The following GLIS3 variants were observed in gnomAD, a reference collection of about 807,000 sequenced individuals.
The protein encoded by GLIS3 is GLIS family zinc finger 3, also known as zinc finger protein GLIS3.
GLIS3 carries 53 observed loss-of-function variants against 78.6 expected under a neutral mutation model. The ratio of observed to expected loss-of-function variants is 0.67; its 90% CI spans 0.54 to 0.85. The LOEUF is 0.85. Ranked by LOEUF, GLIS3 falls within the 40% of genes least tolerant of loss-of-function variation. GLIS3 has a pLI of 0.00. For missense variants in GLIS3, 1,703 were observed against 1,231.1 expected, an observed-to-expected ratio of 1.38 and a Z score of -5.74; for synonymous variants, 684 against 509.9, an observed-to-expected ratio of 1.34 and a Z score of -4.60.
intron 2 of GLIS3, among the ~76,000 whole-genome samples, chr9:4,255,871 T>C (rs1035505746): frequency 6.6e-5 from 10 of 152,220 alleles, no homozygotes; most frequent in Admixed American, 3.9e-4. Context: ...TGGGTAATCA[T>C]GATGTGTCAA....
intron 2 of GLIS3, among the ~76,000 whole-genome samples, chr9:4,266,698 CAT>C (rs1420507523): frequency 6.6e-6 from 1 of 151,996 alleles, no homozygotes; most frequent in African/African-American, 2.4e-5. Context: ...GATAATGATA[CAT>C]AGTTATTTTA....
intron 2 of GLIS3, among the ~76,000 whole-genome samples, chr9:4,150,045 T>C (rs1482754304): frequency 2.2e-5 from 3 of 137,038 alleles, no homozygotes; most frequent in Admixed American, 7.2e-5. Context: ...CATGCACACA[T>C]AAACACACAC....
chr9:3,937,714 T>C (rs1825974262), intron 4 of GLIS3, among the ~76,000 whole-genome samples: 1 of 152,176 alleles, frequency 6.6e-6, no homozygotes, highest in African/African-American at 2.4e-5. Context: ...TTTCCTTAAC[T>C]ATATTTGTAA....
chr9:4,280,127 C>T (rs1827412358), intron 2 of GLIS3, among the ~76,000 whole-genome samples: 1 of 152,186 alleles, frequency 6.6e-6, no homozygotes, highest in Non-Finnish European at 1.5e-5. Context: ...TCAAGTGATC[C>T]TCCCACCTCG....
At chr9:3,881,688 C>CATCT (rs1821738424) in intron 7 of GLIS3, among the ~76,000 whole-genome samples, 1 of 152,158 alleles carries the variant, frequency 6.6e-6, no homozygotes, top group African/African-American at 2.4e-5. Flanking sequence ...TCTGTTCACC[C>CATCT]ATCTATCATT....
At chr9:4,361,285 G>C in the GLIS3 span, among the ~76,000 whole-genome samples, 1 of 152,194 alleles carries the variant, frequency 6.6e-6, no homozygotes, top group African/African-American at 2.4e-5. Context: ...GTCTCAAGAA[G>C]GGACTCCTCT....
At chr9:4,469,111 T>A in the GLIS3 span, among the ~76,000 whole-genome samples, 5 of 152,142 alleles carry the variant, frequency 3.3e-5, no homozygotes, top group African/African-American at 1.2e-4. Context: ...ATGCACCCAA[T>A]ATGGGAGCAC....
chr9:4,091,933 T>TAA (rs201513476), intron 4 of GLIS3, among the ~76,000 whole-genome samples: 273 of 150,944 alleles, frequency 1.8e-3, no homozygotes, highest in African/African-American at 6.4e-3. Context: ...ATATAAAAGA[T>TAA]AAAAAAAAAT....
intron 4 of GLIS3, among the ~76,000 whole-genome samples, chr9:3,965,851 A>G (rs1817899800): frequency 6.6e-6 from 1 of 152,228 alleles, no homozygotes; most frequent in South Asian, 2.1e-4. Flanking sequence ...GAAATGGAGA[A>G]AACAAAAGGT....
the GLIS3 span, among the ~76,000 whole-genome samples, chr9:4,362,258 TTC>T: frequency 6.6e-6 from 1 of 152,228 alleles, no homozygotes; most frequent in African/African-American, 2.4e-5. Flanking sequence ...ACTTCTTTCC[TTC>T]TTTCTTTTTA....
intron 2 of GLIS3, among the ~76,000 whole-genome samples, chr9:4,323,442 G>C (rs72692063): frequency 1.3e-5 from 2 of 152,010 alleles, no homozygotes; most frequent in Admixed American, 1.3e-4. Flanking sequence ...GTCTGTATTC[G>C]TCCATGTAGC....
chr9:4,341,668 T>G (rs1806947717), intron 2 of GLIS3, among the ~76,000 whole-genome samples: 2 of 152,216 alleles, frequency 1.3e-5, no homozygotes, highest in Non-Finnish European at 2.9e-5. Context: ...ACCACAGTCT[T>G]ACAACCAGTG....
At chr9:4,395,814 A>G in the GLIS3 span, among the ~76,000 whole-genome samples, 33,979 of 142,598 alleles carry the variant, frequency 0.24, 4,794 homozygotes, top group African/African-American at 0.39. Flanking sequence ...TCGCTCTGTC[A>G]CCGGGCTGGA....
chr9:4,353,468 A>G, the GLIS3 span, among the ~76,000 whole-genome samples: 7 of 152,134 alleles, frequency 4.6e-5, no homozygotes, highest in Admixed American at 2.6e-4. Flanking sequence ...AGGGCCAGGG[A>G]TTGTCTCTGG....
chr9:4,336,996 TA>T (rs1320138019), intron 2 of GLIS3, among the ~76,000 whole-genome samples: 2 of 152,186 alleles, frequency 1.3e-5, no homozygotes, highest in Non-Finnish European at 2.9e-5. Flanking sequence ...AATAAATATT[TA>T]AAAATCTAAT....
intron 2 of GLIS3, among the ~76,000 whole-genome samples, chr9:4,175,770 G>A (rs1483848959): frequency 1.3e-5 from 2 of 152,158 alleles, no homozygotes; most frequent in Non-Finnish European, 2.9e-5. Flanking sequence ...AACAGGGATT[G>A]AATACTCCTT....
chr9:4,404,416 A>G, the GLIS3 span, among the ~76,000 whole-genome samples: 3 of 152,242 alleles, frequency 2.0e-5, no homozygotes, highest in Admixed American at 6.5e-5. Context: ...GCTGCAGAAT[A>G]TACATTCTTC....
At chr9:3,996,398 A>T (rs530032608) in intron 4 of GLIS3, among the ~76,000 whole-genome samples, 4 of 152,308 alleles carry the variant, frequency 2.6e-5, no homozygotes, top group South Asian at 2.1e-4. Flanking sequence ...AGATCAAAAT[A>T]GATAGATAGA....
Position 4,239,433 on chromosome 9 carries a change from A to G in GLIS3, c.388+46605T>C, listed in dbSNP as rs147036742. On this transcript the variant is annotated intron_variant, in intron 2 of 10. Transcript: ENST00000381971. ...GACTACTGTATTCGTATTCCAATGA[A>G]CGAACCTAGATTACAGGCTGCAGGG... Among the ~76,000 whole-genome samples, 37 of 152,206 alleles carry G rather than the reference A, an allele frequency of 2.4e-4. No homozygotes were observed. In the Middle Eastern group the frequency reaches 0.01, roughly 42 times the overall value.
Sources: gnomAD v4.1 joint callset for allele counts (sites outside exome capture counted in the v4.1 genomes callset) on GRCh38, gnomAD v4.1.1 for gene constraint, MANE v1.5 for transcripts, NCBI Gene and HGNC (gene_info 2026-07-23, HGNC 2026-07-21) for gene names.